Variants in FILIP1 observed in about 807,000 individuals in gnomAD.
FILIP1 encodes the protein filamin A interacting protein 1.
Under a neutral mutation model 102.1 loss-of-function variants are expected in FILIP1, and 61 were observed. The ratio of observed to expected loss-of-function variants is 0.60; its 90% CI spans 0.49 to 0.74. FILIP1 has a LOEUF of 0.74. Ranked by LOEUF, FILIP1 falls within the 30% of genes least tolerant of loss-of-function variation. FILIP1 has a pLI of 0.00. For missense variants in FILIP1, 1,314 were observed against 1,441.2 expected (o/e 0.91, Z 1.43); for synonymous variants, 491 against 526.9 (o/e 0.93, Z 0.93).
intron 1 of FILIP1, among the ~76,000 whole-genome samples, chr6:75,419,073 G>A (rs1777364767): frequency 6.6e-6 from 1 of 151,572 alleles, no homozygotes; most frequent in Non-Finnish European, 1.5e-5. Context: ...ATAAGCAAAT[G>A]TAAAGCCTTT....
downstream of FILIP1, among the ~76,000 whole-genome samples, chr6:75,303,114 A>G (rs927065876): frequency 6.6e-6 from 1 of 152,316 alleles, no homozygotes; most frequent in Non-Finnish European, 1.5e-5. Flanking sequence ...AAGGAGAAGC[A>G]TAGATGGTTA....
intron 1 of FILIP1, among the ~76,000 whole-genome samples, chr6:75,459,571 C>T (rs1352672521): frequency 6.6e-6 from 1 of 152,202 alleles, no homozygotes; most frequent in African/African-American, 2.4e-5. Context: ...TTGCCATTTA[C>T]ATTGCCTTTA....
chr6:75,295,998 GAATC>G lies in FILIP1; in HGVS notation c.3494-52_3494-49del, dbSNP rs1209796454. On this transcript the variant is annotated intron_variant, in intron 6 of 6. Coordinates refer to the FILIP1 transcript ENST00000393004. ...GCATTTTCAATTAAACTGAAACTGA[GAATC>G]AAGCTACATCATTTCACTAAAAGAT... 2.4e-6 allele frequency: 3 copies of G among 1,271,658 alleles called. No homozygotes were observed. In the African/African-American group the frequency reaches 4.7e-5, roughly 20 times the overall value. The allele number at this position is 1,271,658 out of a possible 1,614,324, so 78.8% of individuals were successfully genotyped here.
intron 1 of FILIP1, among the ~76,000 whole-genome samples, chr6:75,441,113 G>A (rs1778201201): frequency 6.6e-6 from 1 of 151,744 alleles, no homozygotes; most frequent in South Asian, 2.1e-4. Context: ...GGTTTTCCTA[G>A]GCAGAGGACC....
intron 2 of FILIP1, among the ~76,000 whole-genome samples, chr6:75,410,547 T>C (rs1777030351): frequency 1.3e-5 from 2 of 152,078 alleles, no homozygotes; most frequent in Non-Finnish European, 2.9e-5. Context: ...ATCCATTCCC[T>C]TGCCCTGCAA....
intron 4 of FILIP1, among the ~76,000 whole-genome samples, chr6:75,324,997 T>C (rs1171085750): frequency 1.3e-5 from 2 of 152,130 alleles, no homozygotes; most frequent in African/African-American, 4.8e-5. Flanking sequence ...AAGATAACAT[T>C]GGAAAAACTC....
intron 1 of FILIP1, among the ~76,000 whole-genome samples, chr6:75,448,758 T>C (rs1285338275): frequency 6.6e-6 from 1 of 152,136 alleles, no homozygotes; most frequent in Non-Finnish European, 1.5e-5. Flanking sequence ...ACATCACTAA[T>C]GATCAGGGAA....
chr6:75,472,769 G>A (rs1471519617), intron 1 of FILIP1, among the ~76,000 whole-genome samples: 2 of 152,044 alleles, frequency 1.3e-5, no homozygotes, highest in African/African-American at 4.8e-5. Flanking sequence ...TATGGTTAAT[G>A]GACTGAATGG....
intron 4 of FILIP1, among the ~76,000 whole-genome samples, chr6:75,317,777 G>A (rs1392907026): frequency 1.3e-5 from 2 of 152,124 alleles, no homozygotes; most frequent in Non-Finnish European, 1.5e-5. Flanking sequence ...CATAGTTAAA[G>A]TGGCTCTACA....
At chr6:75,415,098 A>C in intron 1 of FILIP1, 120 bp from the exon 2 acceptor site, 1 of 937,114 alleles carries the variant, frequency 1.1e-6, no homozygotes, top group South Asian at 1.7e-5. Flanking sequence ...AAATCAAATT[A>C]ACATGTCATT....
At chr6:75,442,985 T>C in intron 1 of FILIP1, among the ~76,000 whole-genome samples, 1 of 152,200 alleles carries the variant, frequency 6.6e-6, no homozygotes, top group Non-Finnish European at 1.5e-5. Context: ...GAACCTAAGA[T>C]AGCTTTATAT....
chr6:75,297,373 C>T (rs958021134), intron 6 of FILIP1, among the ~76,000 whole-genome samples: 1 of 152,154 alleles, frequency 6.6e-6, no homozygotes, highest in African/African-American at 2.4e-5. Context: ...AACTTTACCT[C>T]ATGATGACCA....
At chr6:75,325,948 A>G (rs1773832689) in intron 4 of FILIP1, among the ~76,000 whole-genome samples, 2 of 152,222 alleles carry the variant, frequency 1.3e-5, no homozygotes, top group African/African-American at 2.4e-5. Flanking sequence ...TGAAAAAGAC[A>G]CTTGCACATG....
At chr6:75,410,303 C>G (rs907036468) in intron 2 of FILIP1, among the ~76,000 whole-genome samples, 1 of 152,150 alleles carries the variant, frequency 6.6e-6, no homozygotes, top group African/African-American at 2.4e-5. Context: ...CATAGTCCTG[C>G]TTCTCCTCTC....
At chr6:75,320,246 T>C (rs1247085093) in intron 4 of FILIP1, among the ~76,000 whole-genome samples, 6 of 152,190 alleles carry the variant, frequency 3.9e-5, no homozygotes, top group Admixed American at 3.9e-4. Flanking sequence ...AATGAAGATA[T>C]AAACTTGAAT....
intron 2 of FILIP1, among the ~76,000 whole-genome samples, chr6:75,371,332 C>T (rs1030716359): frequency 2.6e-5 from 4 of 152,098 alleles, no homozygotes; most frequent in African/African-American, 9.7e-5. Flanking sequence ...TGAATATCCA[C>T]CAAAAGAAAT....
intron 3 of FILIP1, among the ~76,000 whole-genome samples, chr6:75,360,286 T>C (rs1201430236): frequency 1.3e-5 from 2 of 152,156 alleles, no homozygotes; most frequent in Admixed American, 6.5e-5. Context: ...GAAAAATGTA[T>C]CTTAGTGCTA....
At chr6:75,474,259 GTCA>G (rs1011506437) in intron 1 of FILIP1, among the ~76,000 whole-genome samples, 1 of 152,110 alleles carries the variant, frequency 6.6e-6, no homozygotes, top group African/African-American at 2.4e-5. Context: ...TCTGCAGATT[GTCA>G]TTAAGTGGAT....
At chr6:75,361,749 C>T (rs538668105) in intron 3 of FILIP1, 8 of 152,338 alleles carry the variant, frequency 5.3e-5, no homozygotes, top group African/African-American at 1.9e-4. Flanking sequence ...CTTACATAAT[C>T]TGCCTATAGC....
Sources: gnomAD v4.1 joint callset for allele counts (sites outside exome capture counted in the v4.1 genomes callset) on GRCh38, gnomAD v4.1.1 for gene constraint, MANE v1.5 for transcripts, NCBI Gene and HGNC (gene_info 2026-07-23, HGNC 2026-07-21) for gene names.